Variants in BPTF observed in about 807,000 individuals in gnomAD.
The protein encoded by BPTF is bromodomain PHD finger transcription factor.
A neutral mutation model predicts 292.5 loss-of-function variants in BPTF; 18 were observed. The ratio of observed to expected loss-of-function variants is 0.06; its 90% CI spans 0.04 to 0.09. The LOEUF is 0.09. Among genes scored for constraint, BPTF ranks in the 10% least tolerant of loss-of-function variants. The probability of loss-of-function intolerance (pLI) is 1.00; values close to 1 mark genes in which losing one functional copy is unlikely to be tolerated. For synonymous variants in BPTF, 1,225 were observed against 1,251.9 expected (o/e 0.98, Z 0.45); for missense variants, 2,726 against 3,498.7 (o/e 0.78, Z 5.57).
chr17:67,876,403 C>A (rs1275797720), intron 4 of BPTF, among the ~76,000 whole-genome samples: 1 of 152,098 alleles, frequency 6.6e-6, no homozygotes, highest in Non-Finnish European at 1.5e-5. Flanking sequence ...CTGAAAACAC[C>A]AGTTTAACAG....
chr17:67,883,000 C>CT (rs1228886493), intron 4 of BPTF, among the ~76,000 whole-genome samples: 18 of 96,160 alleles, frequency 1.9e-4, no homozygotes, highest in South Asian at 3.3e-4. Flanking sequence ...CAGACGTTGT[C>CT]TAAAAAAAAA....
At chr17:67,981,676 A>G in intron 27 of BPTF, 1 of 993,044 alleles carries the variant, frequency 1.0e-6, no homozygotes, top group East Asian at 1.1e-4. Flanking sequence ...CTGCTATTTC[A>G]ATATAAAGTC....
chr17:67,886,058 T>G (rs1380415445), intron 4 of BPTF: 21 of 1,169,598 alleles, frequency 1.8e-5, no homozygotes, highest in Non-Finnish European at 2.3e-5. Context: ...CTAAAACAAT[T>G]GTCTTTTCTG....
chr17:67,891,631 A>G (rs564688783), intron 4 of BPTF: 55 of 375,280 alleles, frequency 1.5e-4, no homozygotes, highest in Non-Finnish European at 2.2e-4. Flanking sequence ...TTTTTGTGGA[A>G]TAATAGATGA....
At chr17:67,885,381 C>G (rs999644014) in intron 4 of BPTF, among the ~76,000 whole-genome samples, 1 of 152,092 alleles carries the variant, frequency 6.6e-6, no homozygotes, top group Admixed American at 6.6e-5. Flanking sequence ...GTCAGGAGTT[C>G]GAGCCCAGCC....
intron 7 of BPTF, among the ~76,000 whole-genome samples, chr17:67,899,218 G>A (rs924342756): frequency 6.6e-6 from 1 of 152,174 alleles, no homozygotes; most frequent in Non-Finnish European, 1.5e-5. Context: ...CAAATCCCAA[G>A]TCAGTGGGGG....
intron 1 of BPTF, among the ~76,000 whole-genome samples, chr17:67,851,930 T>G (rs1250555570): frequency 6.6e-6 from 1 of 152,020 alleles, no homozygotes; most frequent in Non-Finnish European, 1.5e-5. Flanking sequence ...TTTTTTTTTT[T>G]TAATGCAGGA....
chr17:67,933,869 G>A (rs1039402205), intron 18 of BPTF, among the ~76,000 whole-genome samples: 9 of 151,956 alleles, frequency 5.9e-5, no homozygotes, highest in African/African-American at 2.2e-4. Flanking sequence ...GACCAGCCTG[G>A]CCAACATGGT....
At position 67,886,352 on chromosome 17, in the gene BPTF, GTTTTTTCTT is replaced by G. The variant is rs748550475; in HGVS notation, c.1865-5476_1865-5468del. On this transcript the variant is annotated intron_variant, in intron 4 of 27. Transcript: ENST00000306378. ...ACTTCATCCATTCCTTTAAAGGGAA[GTTTTTTCTT>G]TTTTTTCTTTTTTTTGTGTGTGTGT... 10 of 1,382,486 alleles carry G rather than the reference GTTTTTTCTT, an allele frequency of 7.2e-6. No homozygotes were observed. The Admixed American group carries it at 1.2e-4, about 17-fold the overall frequency. The allele number at this position is 1,382,486 out of a possible 1,614,324, so 85.6% of individuals were successfully genotyped here.
chr17:67,883,911 T>C (rs1330719484), intron 4 of BPTF, among the ~76,000 whole-genome samples: 1 of 152,220 alleles, frequency 6.6e-6, no homozygotes, highest in Admixed American at 6.5e-5. Flanking sequence ...TTTTGTTTTT[T>C]ATAAATAAAA....
At chr17:67,868,706 C>T (rs2059532363) in intron 3 of BPTF, among the ~76,000 whole-genome samples, 1 of 152,118 alleles carries the variant, frequency 6.6e-6, no homozygotes, top group South Asian at 2.1e-4. Context: ...TATTAATTTT[C>T]CCCATTCTCC....
chr17:67,903,834 C>CAA lies in BPTF; in HGVS notation c.2597_2598dup (p.Glu867LysfsTer17). The CAA allele has an allele frequency of 1.3e-6, 2 of 1,543,272 alleles. No individual in the cohort carries two copies. The highest frequency in any genetic ancestry group is 1.4e-5 in the African/African-American group (1 of 70,458). On this transcript the variant is annotated frameshift_variant, in exon 8 of 28. Coordinates refer to ENST00000306378, the MANE Select transcript of BPTF (RefSeq NM_182641.4). LOFTEE classifies it high-confidence loss of function. Reference sequence around the variant, plus strand: ...TTGAAAGAGAAGAAAAGGAGAAAGTCAAAAAAAAAGAGAAGAAACAGGAAG... The same window carrying CAA: ...TTGAAAGAGAAGAAAAGGAGAAAGTCAAAAAAAAAAAGAGAAGAAACAGGAAG...
At chr17:67,874,119 CA>C (rs1383113949) in intron 3 of BPTF, among the ~76,000 whole-genome samples, 1 of 152,134 alleles carries the variant, frequency 6.6e-6, no homozygotes, top group Non-Finnish European at 1.5e-5. Flanking sequence ...GATAGTATTG[CA>C]TGATAACCCA....
chr17:67,958,677 G>A (rs1001599432), intron 23 of BPTF, among the ~76,000 whole-genome samples: 9 of 150,548 alleles, frequency 6.0e-5, no homozygotes, highest in Admixed American at 4.0e-4. Context: ...GTTGGAGTGC[G>A]CTGAGATTGT....
At position 67,922,873 on chromosome 17, in the gene BPTF, C is replaced by T. The variant is rs1188160996; in HGVS notation, c.5591C>T (p.Ser1864Leu). Reference sequence around the variant, plus strand: ...ACACCTCAGAGGAAAGGCCTTCGATCAAGTGCACTGCGGCCAAAGAGACCA... The same window carrying T: ...ACACCTCAGAGGAAAGGCCTTCGATTAAGTGCACTGCGGCCAAAGAGACCA... ...TPTPQRKGLR[S>L]SALRPKRPET... The change falls in exon 14 of 28, where the codon TCA becomes TTA. Residue 1864 changes from serine to leucine, a missense_variant. This residue lies in a region of BPTF where 198 missense variants were observed against 277.1 expected (regional missense o/e 0.71). Transcript: ENST00000306378. The T allele has an allele frequency of 6.2e-7, 1 of 1,613,612 alleles. No individual in the cohort carries two copies.
intron 10 of BPTF, 79 bp downstream of exon 10, chr17:67,909,840 C>T (rs1482724434): frequency 2.5e-6 from 3 of 1,214,898 alleles, no homozygotes; most frequent in South Asian, 2.7e-5. Context: ...AGGAAAGGTA[C>T]TGCGTTGTGT....
At chr17:67,850,205 C>T (rs1405746589) in intron 1 of BPTF, among the ~76,000 whole-genome samples, 53 of 152,152 alleles carry the variant, frequency 3.5e-4, no homozygotes, top group Non-Finnish European at 1.9e-4. Context: ...CTAGCCACTA[C>T]TTAACATTGG....
intron 26 of BPTF, among the ~76,000 whole-genome samples, chr17:67,967,701 C>T (rs1168945686): frequency 6.6e-6 from 1 of 151,936 alleles, no homozygotes; most frequent in African/African-American, 2.4e-5. Flanking sequence ...CATTTGTAAT[C>T]CCAGCTGCTA....
At chr17:67,870,189 G>C (rs929710715) in intron 3 of BPTF, among the ~76,000 whole-genome samples, 3 of 151,832 alleles carry the variant, frequency 2.0e-5, no homozygotes, top group Admixed American at 2.0e-4. Flanking sequence ...TGGAAATAAG[G>C]TGAGTTGTAC....
Sources: gnomAD v4.1 joint callset for allele counts (sites outside exome capture counted in the v4.1 genomes callset) on GRCh38, gnomAD v4.1.1 for gene constraint, gnomAD v4.1.1 regional missense constraint, MANE v1.5 for transcripts, NCBI Gene and HGNC (gene_info 2026-07-23, HGNC 2026-07-21) for gene names.